GTPBP6: variants seen among roughly 807,000 people sequenced by gnomAD.
The protein encoded by GTPBP6 is GTP binding protein 6.
A neutral mutation model predicts 28.9 loss-of-function variants in GTPBP6; 33 were observed. The observed-to-expected ratio is 1.14, with a 90% confidence interval of 0.87 to 1.53. The LOEUF (loss-of-function observed/expected upper bound fraction) is 1.53, where lower values mean the gene tolerates loss of function less well. Ranked by LOEUF, GTPBP6 falls within the 40% of genes most tolerant of loss-of-function variation. GTPBP6 has a pLI of 0.00. For missense variants in GTPBP6, 507 were observed against 408.3 expected (o/e 1.24, Z -2.08); for synonymous variants, 231 against 192.7 (o/e 1.20, Z -1.65).
intron 6 of GTPBP6, 72 bp downstream of exon 6, chrX:312,694 G>A (rs1425715881): frequency 5.5e-6 from 8 of 1,464,626 alleles, no homozygotes; most frequent in Admixed American, 1.8e-5. Flanking sequence ...GGGACCCCCT[G>A]CCCTCCCCCG....
rs1198189998 is a variant in GTPBP6 at position 315,348 on chromosome X, G to A, written c.488-49C>T. On this transcript the variant is annotated intron_variant, in intron 2 of 9. Transcript: ENST00000326153. ...CAGAGGCTGGCCGTCCACACCCGTGGACTGTGGGATGAGCCCACCATACCC... is the reference window on the plus strand; with the variant it reads ...CAGAGGCTGGCCGTCCACACCCGTGAACTGTGGGATGAGCCCACCATACCC... 2.3e-5 allele frequency: 9 copies of A among 398,454 alleles called. No individual in the cohort carries two copies. The Admixed American group carries it at 3.5e-4, about 16-fold the overall frequency. The allele number at this position is 398,454 out of a possible 1,614,324, so 24.7% of individuals were successfully genotyped here.
chrX:305,214 G>A lies in GTPBP6; in HGVS notation c.1428-17C>T, dbSNP rs768036980. 50 of 1,587,724 alleles carry A rather than the reference G, an allele frequency of 3.1e-5. No individual in the cohort carries two copies. In the East Asian group the frequency reaches 5.4e-4, roughly 17 times the overall value. The stretch of plus-strand genomic sequence containing the variant: ...TACAGCCAGCTGGGCACAGATGCGC[G>A]TTGTATGGAGACAAGCAGAACCCGT... On this transcript the variant is annotated splice_polypyrimidine_tract_variant and intron_variant, in intron 9 of 9. Coordinates refer to ENST00000326153, the Ensembl canonical transcript of GTPBP6.
intron 1 of GTPBP6, 43 bp downstream of exon 1, chrX:318,396 T>C (rs1324200762): frequency 1.5e-4 from 39 of 261,412 alleles, no homozygotes; most frequent in Non-Finnish European, 2.4e-4. Context: ...CGCCCCCAGG[T>C]CTCCAGCTCC....
rs762065197 is a variant in GTPBP6, at chrX:314,522, G to T, written c.690-305C>A. Among the ~76,000 whole-genome samples, 9 of 151,922 alleles carry T rather than the reference G, an allele frequency of 5.9e-5. No individual in the cohort carries two copies. The East Asian group carries it at 1.7e-3, about 29-fold the overall frequency. On this transcript the variant is annotated intron_variant, in intron 4 of 9. Coordinates refer to ENST00000326153, the Ensembl canonical transcript of GTPBP6. ...GAGTCTCGCTCTGTCACCCAGGCTG[G>T]AGTGCAGTGGCGTGATCTCGGCTCA...
exon 10 of GTPBP6, chrX:304,793 A>T: frequency 3.7e-6 from 5 of 1,347,038 alleles, no homozygotes; most frequent in Non-Finnish European, 4.8e-6. Context: ...TTACGGAAAC[A>T]TTCCGAGGGA....
chrX:315,187 T>A, intron 3 of GTPBP6, 42 bp downstream of exon 3: 1 of 398,544 alleles, frequency 2.5e-6, no homozygotes, highest in African/African-American at 2.1e-5. Context: ...CTTCATCGCG[T>A]GGAGTGCGGG....
chrX:311,980 G>T, intron 6 of GTPBP6: 1 of 544,032 alleles, frequency 1.8e-6, no homozygotes, highest in South Asian at 1.9e-5. Context: ...GTGGATGGGA[G>T]GATGGTGTAG....
intron 6 of GTPBP6, chrX:312,527 C>T (rs1242879330): frequency 5.8e-6 from 4 of 694,042 alleles, no homozygotes; most frequent in East Asian, 5.5e-5. Flanking sequence ...AGATGACATC[C>T]TCACCTTGGC....
rs772105935 is a variant in GTPBP6 at position 306,489 on chromosome X, A to G, written c.1427+871T>C. Among the ~76,000 whole-genome samples the G allele has an allele frequency of 4.9e-3, 723 of 148,024 alleles. 11 individuals are homozygous for G. The highest frequency in any genetic ancestry group is 0.015 in the African/African-American group (578 of 37,868). ...AAATGTACATTGAGTGTCAGCACAC[A>G]TTAGGCACCTGTTGTATGCACAGTC... On this transcript the variant is annotated intron_variant, in intron 9 of 9. Transcript: ENST00000326153.
At chrX:312,816 C>T (rs776915560) in exon 6 of GTPBP6, 44 of 1,612,612 alleles carry the variant, frequency 2.7e-5, no homozygotes, top group Non-Finnish European at 3.1e-5. Context: ...CCGCCTCGTC[C>T]GCTGCCGGCG....
At chrX:312,464 G>A (rs773026760) in intron 6 of GTPBP6, 2 of 602,274 alleles carry the variant, frequency 3.3e-6, no homozygotes, top group South Asian at 1.5e-5. Context: ...TGTAGATGGA[G>A]GGGAGATTGT....
intron 6 of GTPBP6, 195 bp from the exon 7 acceptor site, chrX:311,822 C>T (rs1229073820): frequency 3.1e-5 from 19 of 617,650 alleles, no homozygotes; most frequent in East Asian, 1.4e-4. Flanking sequence ...GTTCTCGGGC[C>T]GATGGAGCGG....
chrX:312,942 T>G lies in GTPBP6; in HGVS notation c.758-18A>C, dbSNP rs769415565. The G allele has an allele frequency of 1.2e-6, 2 of 1,604,090 alleles. No homozygotes were observed. The highest frequency in any genetic ancestry group is 2.7e-5 in the African/African-American group (2 of 74,686). On this transcript the variant is annotated intron_variant, in intron 5 of 9. Transcript: ENST00000326153. ...GGATTCTCCTAAAAGACACCCGAGATGGTGAGGCGGTGAGCCACGCCGGGA... is the reference window on the plus strand; with the variant it reads ...GGATTCTCCTAAAAGACACCCGAGAGGGTGAGGCGGTGAGCCACGCCGGGA...
exon 9 of GTPBP6, chrX:307,422 A>C (rs751991160): frequency 2.5e-6 from 4 of 1,612,568 alleles, no homozygotes; most frequent in South Asian, 1.1e-5. Flanking sequence ...TCGCCTTCAA[A>C]ACCGCCGCAT....
intron 7 of GTPBP6, among the ~76,000 whole-genome samples, chrX:309,743 GA>G (rs1339752206): frequency 1.4e-5 from 2 of 141,352 alleles, no homozygotes; most frequent in Non-Finnish European, 3.0e-5. Context: ...GAAGGAACTG[GA>G]TCCAACTGAA....
chrX:312,398 G>A (rs1431377437), intron 6 of GTPBP6: 3 of 504,778 alleles, frequency 5.9e-6, no homozygotes, highest in Non-Finnish European at 1.2e-5. Context: ...GGTGGATTGT[G>A]TAGACAGGGT....
At chrX:318,140 C>A (rs1274016070) in intron 1 of GTPBP6, among the ~76,000 whole-genome samples, 1 of 150,404 alleles carries the variant, frequency 6.6e-6, no homozygotes, top group Non-Finnish European at 1.5e-5. Flanking sequence ...CAGGTCAGAG[C>A]CCCGTCCCTG....
At chrX:314,158 A>G (rs761304009) in exon 5 of GTPBP6, 5 of 1,611,560 alleles carry the variant, frequency 3.1e-6, no homozygotes, top group South Asian at 2.2e-5. Flanking sequence ...ACCTGACCCC[A>G]TGATGTAGCG....
intron 6 of GTPBP6, chrX:311,936 G>C (rs1602964939): frequency 1.7e-6 from 1 of 578,610 alleles, no homozygotes. Context: ...TGGCGTAGAT[G>C]GTGGGATGGT....
Sources: allele counts gnomAD v4.1 joint callset (sites outside exome capture counted in the v4.1 genomes callset), GRCh38; gene constraint gnomAD v4.1.1; transcripts MANE v1.5; gene names NCBI Gene and HGNC (gene_info 2026-07-23, HGNC 2026-07-21).